The following FAM83A variants were observed in gnomAD, a reference collection of about 807,000 sequenced individuals.
The protein encoded by FAM83A is scaffolding CK1 anchoring protein A.
A neutral mutation model predicts 24.4 loss-of-function variants in FAM83A; 21 were observed. The observed-to-expected ratio is 0.86, with a 90% CI of 0.61 to 1.24. The LOEUF is 1.24. FAM83A is among the 50% of genes most tolerant of loss of function. FAM83A has a pLI of 0.00. For synonymous variants in FAM83A, 270 were observed against 252.4 expected (o/e 1.07, Z -0.66); for missense variants, 617 against 579.8 (o/e 1.06, Z -0.66).
chr8:123,187,658 G>A (rs1411036165), intron 1 of FAM83A, among the ~76,000 whole-genome samples: 2 of 152,050 alleles, frequency 1.3e-5, no homozygotes, highest in Non-Finnish European at 1.5e-5. Flanking sequence ...AACACCAATA[G>A]CTGTAACCCA....
At chr8:123,201,985 G>C (rs1186025975) in intron 3 of FAM83A, 1 of 152,348 alleles carries the variant, frequency 6.6e-6, no homozygotes, top group Non-Finnish European at 1.5e-5. Context: ...ATTCAGCCCT[G>C]GTGGGGAAGA....
chr8:123,193,903 C>T (rs1030635215), intron 2 of FAM83A, 121 bp from the exon 3 acceptor site: 14 of 1,264,754 alleles, frequency 1.1e-5, no homozygotes, highest in Non-Finnish European at 1.4e-5. Flanking sequence ...AGTACCGTCA[C>T]CCTGGGGATT....
At chr8:123,186,532 A>T (rs1009455034) in intron 1 of FAM83A, among the ~76,000 whole-genome samples, 9 of 152,180 alleles carry the variant, frequency 5.9e-5, no homozygotes, top group Admixed American at 2.0e-4. Flanking sequence ...CTTCATGCCC[A>T]AATTCCTTTA....
intron 3 of FAM83A, 22 bp downstream of exon 3, chr8:123,194,170 T>C (rs369777252): frequency 2.5e-6 from 4 of 1,613,098 alleles, no homozygotes; most frequent in Middle Eastern, 3.6e-4. Flanking sequence ...ATTCATCTCC[T>C]GTCAAGGATT....
chr8:123,190,348 G>T (rs372733145), intron 1 of FAM83A, among the ~76,000 whole-genome samples: 26 of 152,018 alleles, frequency 1.7e-4, no homozygotes, highest in East Asian at 7.7e-4. Context: ...TGCAACCTCT[G>T]CCTCCTGGGT....
chr8:123,205,222 C>T (rs1422567760), intron 3 of FAM83A, among the ~76,000 whole-genome samples: 3 of 152,060 alleles, frequency 2.0e-5, no homozygotes, highest in African/African-American at 7.2e-5. Context: ...GACACAGGTG[C>T]TGGGGACCTG....
At chr8:123,191,861 A>G in exon 2 of FAM83A, 1 of 1,613,930 alleles carries the variant, frequency 6.2e-7, no homozygotes, top group Middle Eastern at 1.7e-4. Flanking sequence ...GACATTCTAG[A>G]GGCAGCCAAC....
rs991261760 is a variant in FAM83A at position 123,209,981 on chromosome 8, C to G, written c.*2293C>G. 5.2e-6 allele frequency: 1 copy of G among 191,934 alleles called. No homozygotes were observed. The highest frequency in any genetic ancestry group is 2.3e-5 in the African/African-American group (1 of 43,550). The allele number at this position is 191,934 out of a possible 1,614,324, so 11.9% of individuals were successfully genotyped here. A position where few individuals can be genotyped will look rare whatever the true frequency, so the allele number is the denominator to read the frequency against. On this transcript the variant is annotated 3_prime_UTR_variant, in exon 4 of 4. Transcript: ENST00000690554. This position sits in a 1 kb window ranked among gnomAD's most constrained non-coding sequence, Gnocchi z 4.7. ...CCAGTTGAAACCCTCCTCTGCCAGC[C>G]TGGGGTCCTAAGCGATGAGCAGAAT...
chr8:123,183,374 G>A, intron 1 of FAM83A, 38 bp downstream of exon 1: 1 of 1,584,420 alleles, frequency 6.3e-7, no homozygotes, highest in East Asian at 2.2e-5. Context: ...TGGCCAAGTA[G>A]CAGGGAGGAT....
intron 1 of FAM83A, 147 bp from the exon 2 acceptor site, chr8:123,191,656 C>A: frequency 1.3e-6 from 1 of 789,368 alleles, no homozygotes; most frequent in Non-Finnish European, 2.1e-6. Flanking sequence ...TAATCCTGCC[C>A]AGTCAGACCC....
intron 3 of FAM83A, chr8:123,202,099 T>G (rs1012761751): frequency 2.6e-5 from 4 of 152,396 alleles, no homozygotes; most frequent in Non-Finnish European, 5.9e-5. Context: ...ATCCATGGGT[T>G]TTCTCTCCCA....
At chr8:123,203,425 T>TAAAAATACA in intron 3 of FAM83A, among the ~76,000 whole-genome samples, 1 of 151,384 alleles carries the variant, frequency 6.6e-6, no homozygotes, top group East Asian at 1.9e-4. Flanking sequence ...CTGTCTCTAC[T>TAAAAATACA]AAAAATACAA....
intron 3 of FAM83A, among the ~76,000 whole-genome samples, chr8:123,200,966 A>ATAT (rs1401338249): frequency 9.0e-5 from 13 of 145,026 alleles, no homozygotes; most frequent in African/African-American, 1.8e-4. Flanking sequence ...ACAAAAAAAA[A>ATAT]AAATATATAT....
intron 3 of FAM83A, among the ~76,000 whole-genome samples, chr8:123,199,363 T>C (rs1824270424): frequency 6.6e-6 from 1 of 152,206 alleles, no homozygotes; most frequent in African/African-American, 2.4e-5. Context: ...TTACCAGCAT[T>C]TTTATGCTTA....
At chr8:123,202,637 A>G (rs1198330520) in intron 3 of FAM83A, 1 of 152,694 alleles carries the variant, frequency 6.5e-6, no homozygotes, top group African/African-American at 2.4e-5. Flanking sequence ...ATGAATGAAT[A>G]AAAGCACATT....
chr8:123,182,687 C>T, exon 1 of FAM83A: 1 of 986,782 alleles, frequency 1.0e-6, no homozygotes, highest in Middle Eastern at 2.0e-4. Flanking sequence ...AAGCATTGCT[C>T]AGGACAGCGG....
At chr8:123,198,787 C>T (rs776582899) in intron 3 of FAM83A, among the ~76,000 whole-genome samples, 3 of 152,062 alleles carry the variant, frequency 2.0e-5, no homozygotes, top group South Asian at 2.1e-4. Flanking sequence ...TTTTGCCTAG[C>T]GTGGTGGTGG....
chr8:123,188,224 T>G (rs1323894076), intron 1 of FAM83A, among the ~76,000 whole-genome samples: 1 of 151,844 alleles, frequency 6.6e-6, no homozygotes, highest in Non-Finnish European at 1.5e-5. Flanking sequence ...CAATCTCTGC[T>G]TTAGGCTTCA....
chr8:123,187,319 G>A (rs554335298), intron 1 of FAM83A, among the ~76,000 whole-genome samples: 3 of 152,206 alleles, frequency 2.0e-5, no homozygotes, highest in South Asian at 2.1e-4. Context: ...CCCTTTCAGC[G>A]GCCGTAAGAC....
Sources: allele counts gnomAD v4.1 joint callset (sites outside exome capture counted in the v4.1 genomes callset), GRCh38; gene constraint gnomAD v4.1.1; non-coding constraint Gnocchi (gnomAD v3.1); transcripts MANE v1.5; gene names NCBI Gene and HGNC (gene_info 2026-07-23, HGNC 2026-07-21).